Variants in ADGRL4 observed in about 807,000 individuals in gnomAD.
The protein encoded by ADGRL4 is EGF, latrophilin and seven transmembrane domain containing 1.
ADGRL4 carries 90 observed loss-of-function variants against 74.8 expected under a neutral mutation model. That is an observed-to-expected ratio of 1.20 (90% CI 1.02 to 1.43). ADGRL4 has a LOEUF of 1.43. ADGRL4 is among the 40% of genes most tolerant of loss of function. The pLI, the probability that ADGRL4 is intolerant of heterozygous loss-of-function variation, is 0.00. For missense variants in ADGRL4, 881 were observed against 814.3 expected (o/e 1.08, Z -1.00); for synonymous variants, 311 against 279.2 (o/e 1.11, Z -1.14).
intron 2 of ADGRL4, among the ~76,000 whole-genome samples, chr1:78,973,365 G>A (rs1452295528): frequency 6.6e-6 from 1 of 151,476 alleles, no homozygotes; most frequent in East Asian, 1.9e-4. Context: ...ATTTGTGAAT[G>A]TTCTACTTAT....
intron 2 of ADGRL4, among the ~76,000 whole-genome samples, chr1:78,950,809 G>A (rs964072266): frequency 6.6e-6 from 1 of 152,124 alleles, no homozygotes; most frequent in Non-Finnish European, 1.5e-5. Context: ...TGAAATCCAG[G>A]TTCTGACTTG....
At chr1:78,943,726 A>G (rs1649538989) in intron 3 of ADGRL4, among the ~76,000 whole-genome samples, 1 of 152,208 alleles carries the variant, frequency 6.6e-6, no homozygotes, top group South Asian at 2.1e-4. Context: ...TGTGCAACGA[A>G]AATTACTGCA....
At chr1:78,961,957 T>C (rs1557513889) in intron 2 of ADGRL4, among the ~76,000 whole-genome samples, 1 of 151,842 alleles carries the variant, frequency 6.6e-6, no homozygotes, top group Non-Finnish European at 1.5e-5. Flanking sequence ...CTCAGCTCAC[T>C]GCAACCCCTG....
chr1:78,944,830 G>A (rs1453081075), intron 3 of ADGRL4, among the ~76,000 whole-genome samples: 3 of 152,068 alleles, frequency 2.0e-5, no homozygotes, highest in African/African-American at 2.4e-5. Flanking sequence ...GTTGTGAAGC[G>A]TAGGTACATG....
intron 2 of ADGRL4, among the ~76,000 whole-genome samples, chr1:78,952,301 G>A (rs1158651011): frequency 7.2e-6 from 1 of 138,084 alleles, no homozygotes; most frequent in Non-Finnish European, 1.6e-5. Context: ...CAGGCCCTCT[G>A]TGTCAAAGGT....
At chr1:78,916,599 A>G (rs947378539) in intron 12 of ADGRL4, among the ~76,000 whole-genome samples, 5 of 151,890 alleles carry the variant, frequency 3.3e-5, no homozygotes, top group Non-Finnish European at 7.4e-5. Context: ...ATACTTTATG[A>G]ATGCCCTTGA....
At chr1:78,998,257 T>TGA (rs35100942) in intron 2 of ADGRL4, among the ~76,000 whole-genome samples, 1 of 150,000 alleles carries the variant, frequency 6.7e-6, no homozygotes. Flanking sequence ...TCATTGCTTT[T>TGA]TTTTTTTTTT....
chr1:78,932,785 A>C lies in ADGRL4; in HGVS notation c.877+3510T>G, dbSNP rs547112290. ...GAAATACAAACTACCATCAGAGAATACTATAAACATCTTCATGCAAAAAAA... is the reference window on the plus strand; with the variant it reads ...GAAATACAAACTACCATCAGAGAATCCTATAAACATCTTCATGCAAAAAAA... On this transcript the variant is annotated intron_variant, in intron 7 of 14. Coordinates refer to ENST00000370742, the MANE Select transcript of ADGRL4 (RefSeq NM_022159.4). 2.6e-5 allele frequency among the ~76,000 whole-genome samples: 4 copies of C among 151,602 alleles called. 1 individual carries two copies. In the South Asian group the frequency reaches 8.3e-4, roughly 31 times the overall value.
At chr1:78,913,653 A>G (rs59001904) in intron 12 of ADGRL4, among the ~76,000 whole-genome samples, 30,733 of 151,856 alleles carry the variant, frequency 0.2, 3,198 homozygotes, top group East Asian at 0.33. Context: ...GGAGAAGATC[A>G]GGTAAAATCA....
intron 2 of ADGRL4, among the ~76,000 whole-genome samples, chr1:78,954,023 G>A (rs1649780760): frequency 1.3e-5 from 2 of 152,134 alleles, no homozygotes; most frequent in South Asian, 4.1e-4. Flanking sequence ...GCACATGCCT[G>A]TAATCTCAGC....
intron 8 of ADGRL4, among the ~76,000 whole-genome samples, chr1:78,925,535 C>T (rs535930527): frequency 3.3e-5 from 5 of 151,866 alleles, no homozygotes; most frequent in African/African-American, 4.8e-5. Context: ...GAAGATATTA[C>T]TTATGAGATA....
Position 78,932,671 on chromosome 1 carries a change from C to T in ADGRL4, c.877+3624G>A, listed in dbSNP as rs999704133. 2.8e-5 allele frequency among the ~76,000 whole-genome samples: 4 copies of T among 141,716 alleles called. No individual in the cohort carries two copies. In the East Asian group the frequency reaches 8.9e-4, roughly 32 times the overall value. The allele number at this position is 141,716 out of a possible 152,430, so 93.0% of individuals were successfully genotyped here. A position where few individuals can be genotyped will look rare whatever the true frequency, so the allele number is the denominator to read the frequency against. On this transcript the variant is annotated intron_variant, in intron 7 of 14. Coordinates refer to ENST00000370742, the MANE Select transcript of ADGRL4 (RefSeq NM_022159.4). ...GTTAAAAAAAAATTAACAAAATAGA[C>T]CACAAGCTAGGCTAATAAAGAAGAA...
intron 2 of ADGRL4, among the ~76,000 whole-genome samples, chr1:78,999,788 A>ATATATATC (rs1235937739): frequency 2.1e-5 from 3 of 141,664 alleles, no homozygotes; most frequent in Non-Finnish European, 4.6e-5. Flanking sequence ...ATCTATAGTT[A>ATATATATC]TATCTATCTA....
At chr1:78,927,798 T>C (rs1205376008) in intron 7 of ADGRL4, among the ~76,000 whole-genome samples, 1 of 152,130 alleles carries the variant, frequency 6.6e-6, no homozygotes, top group East Asian at 1.9e-4. Context: ...CAGGATTATT[T>C]GGATATGACT....
At position 78,940,546 on chromosome 1, in the gene ADGRL4, C is replaced by T. The variant is rs374297694; in HGVS notation, c.326-1288G>A. ...TTATAAGTACAGTATAAATAATCTG[C>T]CACTAGAGAAAAGATTCTAAGGAAC... On this transcript the variant is annotated intron_variant, in intron 3 of 14. Coordinates refer to ENST00000370742, the MANE Select transcript of ADGRL4 (RefSeq NM_022159.4). 5.2e-4 allele frequency among the ~76,000 whole-genome samples: 79 copies of T among 152,066 alleles called. 1 individual carries two copies. In the East Asian group the frequency reaches 0.011, roughly 21 times the overall value.
rs989296114 is a variant in ADGRL4, at chr1:78,938,166, A to C, written c.510T>G (p.Ser170=). Residue 170 remains serine, a synonymous_variant, in exon 5 of 15, where the codon TCT becomes TCG. Transcript: ENST00000370742. ...ITYIEILAES[S]SLLGYKNNTI... Reference sequence around the variant, plus strand: ...TGTTGTTCTTGTAACCTAGTAATGAAGATGATTCAGCTAATATTTCTATAT... The same window carrying C: ...TGTTGTTCTTGTAACCTAGTAATGACGATGATTCAGCTAATATTTCTATAT... The C allele has an allele frequency of 6.2e-7, 1 of 1,612,886 alleles. No homozygotes were observed. The highest frequency in any genetic ancestry group is 1.1e-5 in the South Asian group (1 of 90,686).
intron 3 of ADGRL4, among the ~76,000 whole-genome samples, 195 bp downstream of exon 3, chr1:78,946,079 T>C (rs2035725): frequency 0.12 from 18,479 of 152,126 alleles, 1,282 homozygotes; most frequent in East Asian, 0.33. Context: ...TAAACCTTCT[T>C]CCTGTATCCT....
At chr1:78,989,367 C>A (rs1237653976) in intron 2 of ADGRL4, among the ~76,000 whole-genome samples, 1 of 151,720 alleles carries the variant, frequency 6.6e-6, no homozygotes, top group Non-Finnish European at 1.5e-5. Context: ...ACTTTAAATA[C>A]AGTCATCCAC....
intron 2 of ADGRL4, among the ~76,000 whole-genome samples, chr1:78,958,332 C>T (rs533231450): frequency 1.3e-5 from 2 of 152,106 alleles, no homozygotes; most frequent in African/African-American, 2.4e-5. Flanking sequence ...GATAATGATT[C>T]CTCTGATGGA....
Sources: gnomAD v4.1 joint callset for allele counts (sites outside exome capture counted in the v4.1 genomes callset) on GRCh38, gnomAD v4.1.1 for gene constraint, MANE v1.5 for transcripts, NCBI Gene and HGNC (gene_info 2026-07-23, HGNC 2026-07-21) for gene names.